PRKCE: variants seen among roughly 807,000 people sequenced by gnomAD.
PRKCE encodes protein kinase C epsilon, also known as protein kinase C epsilon type.
Under a neutral mutation model 85.4 loss-of-function variants are expected in PRKCE, and 16 were observed. That is an observed-to-expected ratio of 0.19 (90% CI 0.13 to 0.28). The LOEUF is 0.28. PRKCE is among the 10% of genes least tolerant of loss of function. The pLI is 1.00. For missense variants in PRKCE, 573 were observed against 975.2 expected (o/e 0.59, Z 5.49); for synonymous variants, 388 against 371.5 (o/e 1.04, Z -0.51).
intron 1 of PRKCE, among the ~76,000 whole-genome samples, chr2:45,748,929 G>C (rs368532351): frequency 2.7e-5 from 4 of 149,772 alleles, no homozygotes; most frequent in African/African-American, 9.9e-5. Flanking sequence ...TTGCTGTGTA[G>C]CCCAGGCTGG....
At chr2:45,736,871 A>C (rs1307562992) in intron 1 of PRKCE, among the ~76,000 whole-genome samples, 1 of 152,192 alleles carries the variant, frequency 6.6e-6, no homozygotes, top group Non-Finnish European at 1.5e-5. Flanking sequence ...GATGGAGGTA[A>C]GGATCATTTT....
intron 2 of PRKCE, among the ~76,000 whole-genome samples, chr2:45,860,219 T>G (rs1405992107): frequency 6.6e-6 from 1 of 152,238 alleles, no homozygotes; most frequent in Non-Finnish European, 1.5e-5. Flanking sequence ...GTTTAATGAA[T>G]GACTGAATCA....
intron 2 of PRKCE, among the ~76,000 whole-genome samples, chr2:45,918,092 C>T (rs1225509321): frequency 5.3e-5 from 8 of 152,238 alleles, no homozygotes; most frequent in African/African-American, 9.6e-5. Context: ...GAGCCGGCTC[C>T]GGCCTTGGCC....
chr2:45,847,320 C>A (rs1691875234), intron 2 of PRKCE, among the ~76,000 whole-genome samples: 1 of 152,220 alleles, frequency 6.6e-6, no homozygotes, highest in East Asian at 1.9e-4. Context: ...CATCCTCTCA[C>A]CAGCCCTTGG....
intron 1 of PRKCE, among the ~76,000 whole-genome samples, chr2:45,828,891 A>C (rs1690174532): frequency 6.6e-6 from 1 of 152,154 alleles, no homozygotes. Flanking sequence ...TTTCTTTAGC[A>C]TATGTACCTA....
At chr2:45,931,521 T>C (rs1699040631) in intron 2 of PRKCE, among the ~76,000 whole-genome samples, 2 of 152,236 alleles carry the variant, frequency 1.3e-5, no homozygotes, top group South Asian at 2.1e-4. Context: ...ATTACTCTAG[T>C]TGGAGCCACA....
intron 1 of PRKCE, among the ~76,000 whole-genome samples, chr2:45,656,926 G>A (rs181858155): frequency 1.3e-5 from 2 of 152,348 alleles, no homozygotes; most frequent in Admixed American, 1.3e-4. Flanking sequence ...TAATAATTGT[G>A]TGAACTAGAA....
intron 2 of PRKCE, among the ~76,000 whole-genome samples, chr2:45,963,434 G>T (rs1194369318): frequency 6.6e-6 from 1 of 151,970 alleles, no homozygotes; most frequent in Non-Finnish European, 1.5e-5. Flanking sequence ...TCAGCCTCCC[G>T]AGTAGCTGGG....
At chr2:46,134,530 G>A (rs1674768320) in intron 11 of PRKCE, among the ~76,000 whole-genome samples, 1 of 152,224 alleles carries the variant, frequency 6.6e-6, no homozygotes, top group South Asian at 2.1e-4. Context: ...ATGCCTGCTG[G>A]CAAAGGTTTG....
intron 10 of PRKCE, among the ~76,000 whole-genome samples, chr2:46,064,337 A>G (rs1667429686): frequency 6.6e-6 from 1 of 151,998 alleles, no homozygotes; most frequent in African/African-American, 2.4e-5. Context: ...TTAAAAATAT[A>G]GTCGTTCTCC....
At position 45,729,722 on chromosome 2, in the gene PRKCE, A is replaced by G. The variant is rs573438255; in HGVS notation, c.348+77274A>G. Among the ~76,000 whole-genome samples the G allele has an allele frequency of 2.0e-5, 3 of 152,256 alleles. No individual in the cohort carries two copies. The East Asian group carries it at 5.8e-4, about 29-fold the overall frequency. On this transcript the variant is annotated intron_variant, in intron 1 of 14. Transcript: ENST00000306156. ...GTTTGAGCAGAAAATATTCCAAGGG[A>G]CATTGGTAGTGTAATGGATGATGAG... is the stretch of plus-strand genomic sequence containing the variant.
intron 2 of PRKCE, among the ~76,000 whole-genome samples, chr2:45,970,726 C>T (rs1702053976): frequency 6.6e-6 from 1 of 151,936 alleles, no homozygotes; most frequent in Non-Finnish European, 1.5e-5. Context: ...TTTCTTGACT[C>T]TGTTATTGTG....
intron 11 of PRKCE, among the ~76,000 whole-genome samples, chr2:46,127,495 C>A (rs1333751864): frequency 6.6e-6 from 1 of 152,216 alleles, no homozygotes; most frequent in Non-Finnish European, 1.5e-5. Flanking sequence ...GCATAGAAGC[C>A]CACTGCATTT....
rs117555135 is a variant in PRKCE at position 46,178,389 on chromosome 2, G to A, written c.2068-6346G>A. ...AATCCAAAAGTATGAACATTTCTTG[G>A]CTAACAAAATTATAAAGAGGAAGAA... On this transcript the variant is annotated intron_variant, in intron 14 of 14. Transcript: ENST00000306156. Among the ~76,000 whole-genome samples the A allele has an allele frequency of 6.3e-3, 965 of 152,282 alleles. 8 individuals carry two copies. Among genetic ancestry groups the A allele is most frequent in the East Asian group, 0.028 (145 of 5,178 alleles).
intron 1 of PRKCE, among the ~76,000 whole-genome samples, chr2:45,678,686 A>T (rs576254183): frequency 5.3e-4 from 78 of 147,610 alleles, no homozygotes; most frequent in Non-Finnish European, 7.2e-4. Flanking sequence ...TCATGTAATT[A>T]TCTGGATTTT....
At chr2:45,978,097 A>C (rs1392850869) in intron 3 of PRKCE, 1 of 152,274 alleles carries the variant, frequency 6.6e-6, no homozygotes, top group Non-Finnish European at 1.5e-5. Context: ...GCCCAGCCCA[A>C]CTGAGGCAGA....
intron 11 of PRKCE, among the ~76,000 whole-genome samples, chr2:46,141,188 G>C (rs1356089709): frequency 6.6e-6 from 1 of 152,116 alleles, no homozygotes; most frequent in East Asian, 1.9e-4. Context: ...CTATGCAGAT[G>C]GTTATCCACA....
intron 10 of PRKCE, chr2:46,078,291 G>A (rs1272953931): frequency 2.0e-5 from 3 of 151,702 alleles, no homozygotes; most frequent in African/African-American, 4.9e-5. Context: ...CACTATAAGA[G>A]GCTGAGGCAG....
At chr2:46,053,540 C>A (rs1344275520) in intron 10 of PRKCE, among the ~76,000 whole-genome samples, 1 of 152,176 alleles carries the variant, frequency 6.6e-6, no homozygotes, top group Non-Finnish European at 1.5e-5. Flanking sequence ...AACCACCATG[C>A]CACTGTTGAT....
Sources: allele counts gnomAD v4.1 joint callset (sites outside exome capture counted in the v4.1 genomes callset), GRCh38; gene constraint gnomAD v4.1.1; transcripts MANE v1.5; gene names NCBI Gene and HGNC (gene_info 2026-07-23, HGNC 2026-07-21).